HSPA12A: variants seen among roughly 807,000 people sequenced by gnomAD.
HSPA12A encodes heat shock protein family A (Hsp70) member 12A, also known as heat shock 70 kDa protein 12A.
HSPA12A carries 28 observed loss-of-function variants against 69.2 expected under a neutral mutation model. That is an observed-to-expected ratio of 0.40 (90% CI 0.30 to 0.55). The LOEUF is 0.55. HSPA12A is among the 20% of genes least tolerant of loss of function. HSPA12A has a pLI of 0.38. For synonymous variants in HSPA12A, 345 were observed against 370.5 expected (o/e 0.93, Z 0.79); for missense variants, 686 against 900.7 (o/e 0.76, Z 3.05).
At chr10:116,734,675 A>G (rs1851258983) in intron 1 of HSPA12A, among the ~76,000 whole-genome samples, 1 of 74,424 alleles carries the variant, frequency 1.3e-5, no homozygotes, top group Non-Finnish European at 3.0e-5. Context: ...TGCTTTTTTC[A>G]TATATTAGCC....
At chr10:116,790,498 C>T (rs1014901537) in intron 2 of HSPA12A, among the ~76,000 whole-genome samples, 6 of 152,062 alleles carry the variant, frequency 3.9e-5, no homozygotes, top group African/African-American at 4.8e-5. Context: ...TGACGCTCCC[C>T]GAACATCCAG....
chr10:116,790,992 G>A lies in HSPA12A; in HGVS notation c.91+43943C>T, dbSNP rs151234445. 3.7e-4 allele frequency among the ~76,000 whole-genome samples: 57 copies of A among 152,282 alleles called. No individual in the cohort carries two copies. In the East Asian group the frequency reaches 5.6e-3, roughly 15 times the overall value. On this transcript the variant is annotated intron_variant, in intron 2 of 12. Coordinates refer to the HSPA12A transcript ENST00000635765. ...AGGCATGAGCCACTGCACCTGGCCC[G>A]TCCAGTTATCTTTGTATTCATAGCC...
At chr10:116,842,878 C>CCA (rs1845825913) in intron 1 of HSPA12A, among the ~76,000 whole-genome samples, 1 of 152,202 alleles carries the variant, frequency 6.6e-6, no homozygotes, top group African/African-American at 2.4e-5. Flanking sequence ...CAGGCGTGAG[C>CCA]CACCACACCC....
intron 2 of HSPA12A, among the ~76,000 whole-genome samples, chr10:116,792,757 C>G (rs1031366523): frequency 1.3e-5 from 2 of 151,282 alleles, no homozygotes; most frequent in African/African-American, 2.4e-5. Flanking sequence ...ACTAACTGCA[C>G]TCCAGCCTGG....
chr10:116,681,777 T>C lies in HSPA12A; in HGVS notation c.922+14A>G, dbSNP rs536323918. ...GAAAATCCAGCAAGAGCAAAGGACA[T>C]TGAAGGACGCTACCTTCCTCCAGCT... On this transcript the variant is annotated intron_variant, in intron 8 of 11. Transcript: ENST00000369209. 95 of 1,610,158 alleles carry C rather than the reference T, an allele frequency of 5.9e-5. No homozygotes were observed. Among genetic ancestry groups the C allele is most frequent in the Non-Finnish European group, 7.1e-5 (83 of 1,176,424 alleles).
rs782408049 is a variant in HSPA12A, at chr10:116,679,581, A to G, written c.1208T>C (p.Ile403Thr). 1 of 1,614,144 alleles carries G rather than the reference A, an allele frequency of 6.2e-7. No homozygotes were observed. Among genetic ancestry groups the G allele is most frequent in the African/African-American group, 1.3e-5 (1 of 74,948 alleles). The change falls in exon 10 of 12, where the codon ATC (isoleucine) becomes ACC (threonine). Residue 403 changes from isoleucine (I) to threonine (T), a missense_variant. Physicochemically the swap from Ile to Thr is moderately conservative, Grantham distance 89 (BLOSUM62 -1). Coordinates refer to ENST00000369209, the MANE Select transcript of HSPA12A (RefSeq NM_025015.3). Reference sequence around the variant, plus strand: ...GTCAATGAAGGAGAAGGGCAGGGTGATGTTCAGCGGGTTAGTTCTGTCTGG... The same window carrying G: ...GTCAATGAAGGAGAAGGGCAGGGTGGTGTTCAGCGGGTTAGTTCTGTCTGG... Reference protein sequence around the residue: ...AAPDRTNPLNITLPFSFIDYY... With the variant: ...AAPDRTNPLNTTLPFSFIDYY...
chr10:116,728,502 G>C (rs1454875457), intron 1 of HSPA12A, among the ~76,000 whole-genome samples: 1 of 152,198 alleles, frequency 6.6e-6, no homozygotes, highest in East Asian at 1.9e-4. Context: ...CTGGTACACA[G>C]TCACCTGGGT....
chr10:116,850,512 TAAGGAA>T (rs1846047430), upstream of HSPA12A, among the ~76,000 whole-genome samples: 1 of 151,862 alleles, frequency 6.6e-6, no homozygotes, highest in Non-Finnish European at 1.5e-5. Flanking sequence ...CTATAAGTAG[TAAGGAA>T]GGCAGTGTGG....
chr10:116,809,720 C>T (rs1242780243), intron 2 of HSPA12A, among the ~76,000 whole-genome samples: 5 of 152,244 alleles, frequency 3.3e-5, no homozygotes. Context: ...CAGCTTCTTG[C>T]TCTCTGGCGC....
chr10:116,695,946 T>A (rs1219378652), intron 5 of HSPA12A, among the ~76,000 whole-genome samples: 1 of 136,852 alleles, frequency 7.3e-6, no homozygotes, highest in Non-Finnish European at 1.5e-5. Context: ...GAGGTTGTGG[T>A]GAGCCGAGAT....
At chr10:116,831,968 G>A (rs1322148797) in intron 2 of HSPA12A, 2 of 152,176 alleles carry the variant, frequency 1.3e-5, no homozygotes, top group Non-Finnish European at 2.9e-5. Context: ...AGGTGAGTGT[G>A]CGAGGCATAG....
intron 5 of HSPA12A, among the ~76,000 whole-genome samples, chr10:116,696,049 G>A (rs1015899715): frequency 6.7e-6 from 1 of 149,548 alleles, no homozygotes; most frequent in Non-Finnish European, 1.5e-5. Context: ...GGAGTGCGTG[G>A]GCTCTTTCAA....
rs80021477 is a variant in HSPA12A at position 116,816,613 on chromosome 10, C to A, written c.91+18322G>T. On this transcript the variant is annotated intron_variant, in intron 2 of 12. Transcript: ENST00000635765. ...CTCCTGAAAGCTTAACCGGCGCCGT[C>A]CTGCTCACGTAAAACAGCCCCGACA... is the stretch of plus-strand genomic sequence containing the variant. 9.8e-3 allele frequency among the ~76,000 whole-genome samples: 1,495 copies of A among 152,330 alleles called. 18 individuals carry two copies. Among genetic ancestry groups the A allele is most frequent in the African/African-American group, 0.033 (1,389 of 41,572 alleles).
chr10:116,731,921 C>G (rs898291623), intron 1 of HSPA12A, among the ~76,000 whole-genome samples: 15 of 152,102 alleles, frequency 9.9e-5, no homozygotes, highest in Non-Finnish European at 4.4e-5. Flanking sequence ...TGTATCAGAA[C>G]TTTTCATTTC....
chr10:116,718,066 G>C (rs1349937883), intron 1 of HSPA12A, among the ~76,000 whole-genome samples: 1 of 152,134 alleles, frequency 6.6e-6, no homozygotes, highest in African/African-American at 2.4e-5. Flanking sequence ...AAACTCACTG[G>C]GTCACTGTCA....
intron 2 of HSPA12A, among the ~76,000 whole-genome samples, chr10:116,757,476 C>T (rs1363442015): frequency 6.6e-6 from 1 of 152,222 alleles, no homozygotes; most frequent in East Asian, 1.9e-4. Context: ...TCCAAATGCC[C>T]TTCCCTTCAA....
chr10:116,742,527 G>A lies in HSPA12A; in HGVS notation c.-58C>T, dbSNP rs533059425. 3,056 of 1,206,422 alleles carry A rather than the reference G, an allele frequency of 2.5e-3. 28 individuals are homozygous for A. In the African/African-American group the frequency reaches 0.029, roughly 11 times the overall value. 74.7% of individuals were successfully genotyped at this position (1,206,422 alleles called of 1,614,324 possible). A position where few individuals can be genotyped will look rare whatever the true frequency, so the allele number is the denominator to read the frequency against. ...CCAGCGCAGCGCCCGTGCCCGTGCG[G>A]GTCTCTGTCCGCGTCCGCGGCGGCG... On this transcript the variant is annotated 5_prime_UTR_variant, in exon 1 of 12. Coordinates refer to ENST00000369209, the MANE Select transcript of HSPA12A (RefSeq NM_025015.3).
intron 2 of HSPA12A, among the ~76,000 whole-genome samples, chr10:116,801,369 G>A (rs1040308696): frequency 1.3e-5 from 2 of 152,146 alleles, no homozygotes; most frequent in African/African-American, 4.8e-5. Context: ...AACCAATCAC[G>A]CTGCAAACTG....
chr10:116,748,834 G>A (rs1851707855), intron 2 of HSPA12A, among the ~76,000 whole-genome samples: 1 of 152,180 alleles, frequency 6.6e-6, no homozygotes, highest in African/African-American at 2.4e-5. Context: ...CCCAAGACAT[G>A]TGGGAATTGT....
Sources: gnomAD v4.1 joint callset for allele counts (sites outside exome capture counted in the v4.1 genomes callset) on GRCh38, gnomAD v4.1.1 for gene constraint, MANE v1.5 for transcripts, NCBI Gene and HGNC (gene_info 2026-07-23, HGNC 2026-07-21) for gene names.